Variants in SHISAL1 observed in about 807,000 individuals in gnomAD.
SHISAL1 encodes shisa like 1.
In SHISAL1, 9 loss-of-function variants were observed where a neutral mutation model predicts 22.6. That is an observed-to-expected ratio of 0.40 (90% confidence interval 0.24 to 0.70). SHISAL1 has a LOEUF of 0.70. Ranked by LOEUF, SHISAL1 falls within the 30% of genes least tolerant of loss-of-function variation. The pLI is 0.39. For synonymous variants in SHISAL1, 119 were observed against 115.4 expected (o/e 1.03, Z -0.20); for missense variants, 246 against 270.6 (o/e 0.91, Z 0.64).
At chr22:44,276,075 C>A (rs1333189998) in intron 4 of SHISAL1, among the ~76,000 whole-genome samples, 2 of 152,182 alleles carry the variant, frequency 1.3e-5, no homozygotes, top group African/African-American at 2.4e-5. Context: ...CACAAAGCCA[C>A]AAAGCAAACG....
chr22:44,257,323 G>C (rs1420936830), intron 4 of SHISAL1, among the ~76,000 whole-genome samples: 1 of 152,206 alleles, frequency 6.6e-6, no homozygotes, highest in East Asian at 1.9e-4. Flanking sequence ...CAGGATGCCA[G>C]GTCAAAAACA....
chr22:44,282,100 TG>T (rs2055280698), intron 4 of SHISAL1, among the ~76,000 whole-genome samples: 1 of 152,200 alleles, frequency 6.6e-6, no homozygotes. Context: ...AGCGGTGGCC[TG>T]GGGGCTGCCT....
chr22:44,270,419 G>A (rs2055198393), intron 4 of SHISAL1, among the ~76,000 whole-genome samples: 1 of 152,166 alleles, frequency 6.6e-6, no homozygotes, highest in Admixed American at 6.5e-5. Context: ...CAACAGTATT[G>A]GTCAGAGTCC....
intron 4 of SHISAL1, among the ~76,000 whole-genome samples, chr22:44,254,587 C>A (rs2055071823): frequency 6.6e-6 from 1 of 152,048 alleles, no homozygotes. Flanking sequence ...ATCTTGATCT[C>A]CTGGCCTCAA....
intron 3 of SHISAL1, among the ~76,000 whole-genome samples, chr22:44,289,466 A>ATGTG (rs35632126): frequency 0.028 from 3,330 of 120,946 alleles, 46 homozygotes; most frequent in East Asian, 0.038. Flanking sequence ...GTCATTGTAA[A>ATGTG]TGTGTGTGTG....
the SHISAL1 span, among the ~76,000 whole-genome samples, chr22:44,323,643 C>T: frequency 6.8e-6 from 1 of 145,990 alleles, no homozygotes; most frequent in African/African-American, 2.6e-5. Context: ...CATCCACCCA[C>T]TCACCATCCA....
chr22:44,299,899 G>A (rs556341267), intron 2 of SHISAL1, among the ~76,000 whole-genome samples: 2 of 148,174 alleles, frequency 1.3e-5, no homozygotes, highest in South Asian at 4.2e-4. Context: ...GAGACAGAGA[G>A]ACAGAGACAG....
chr22:44,278,786 C>T (rs1018558197), intron 4 of SHISAL1, among the ~76,000 whole-genome samples: 15 of 152,084 alleles, frequency 9.9e-5, no homozygotes, highest in African/African-American at 3.6e-4. Flanking sequence ...CCACAGTCAG[C>T]CACATCCAGG....
At chr22:44,293,840 G>C (rs934126142) in intron 3 of SHISAL1, among the ~76,000 whole-genome samples, 3 of 152,174 alleles carry the variant, frequency 2.0e-5, no homozygotes, top group African/African-American at 4.8e-5. Context: ...TTAAAATTCT[G>C]ATCCTCGATA....
At chr22:44,327,473 G>A in the SHISAL1 span, among the ~76,000 whole-genome samples, 1 of 152,068 alleles carries the variant, frequency 6.6e-6, no homozygotes, top group African/African-American at 2.4e-5. Context: ...GATAACTGGG[G>A]TGGGGGGACA....
chr22:44,280,600 C>T (rs1020353310), intron 4 of SHISAL1, among the ~76,000 whole-genome samples: 4 of 152,032 alleles, frequency 2.6e-5, no homozygotes, highest in African/African-American at 9.7e-5. Context: ...GGTAGGGAGG[C>T]AGAGTCAGGC....
chr22:44,269,105 G>A (rs867017032), intron 4 of SHISAL1, among the ~76,000 whole-genome samples: 3 of 151,584 alleles, frequency 2.0e-5, no homozygotes, highest in Non-Finnish European at 4.4e-5. Flanking sequence ...ATACACACAC[G>A]CACAGCATGC....
chr22:44,267,337 C>T (rs2055171166), intron 4 of SHISAL1, among the ~76,000 whole-genome samples: 1 of 152,156 alleles, frequency 6.6e-6, no homozygotes, highest in Admixed American at 6.5e-5. Context: ...GCCCCAAGGT[C>T]CCCATCTTGG....
At chr22:44,261,759 GA>G (rs2055126156) in intron 4 of SHISAL1, among the ~76,000 whole-genome samples, 1 of 152,260 alleles carries the variant, frequency 6.6e-6, no homozygotes, top group Non-Finnish European at 1.5e-5. Flanking sequence ...GTGAGTGCAG[GA>G]AACTGTTCCT....
intron 4 of SHISAL1, among the ~76,000 whole-genome samples, chr22:44,266,456 CTGTGTGTGTGTTGGGCTGTG>C (rs2055162411): frequency 9.7e-6 from 1 of 102,904 alleles, no homozygotes; most frequent in Non-Finnish European, 1.8e-5. Context: ...GTGTGTGGGG[CTGTGTGTGTGTTGGGCTGTG>C]TGTGTGTCTG....
chr22:44,305,563 G>C (rs565487363), intron 1 of SHISAL1, among the ~76,000 whole-genome samples: 28 of 152,372 alleles, frequency 1.8e-4, no homozygotes, highest in African/African-American at 6.5e-4. Flanking sequence ...GAAGGCGGGG[G>C]CTGGGGCTTA....
chr22:44,315,407 T>A (rs1185201925), upstream of SHISAL1, among the ~76,000 whole-genome samples: 1 of 151,950 alleles, frequency 6.6e-6, no homozygotes, highest in Non-Finnish European at 1.5e-5. Flanking sequence ...GAAAGGAGCG[T>A]TTTTTTCCGG....
intron 4 of SHISAL1, among the ~76,000 whole-genome samples, chr22:44,267,451 C>T (rs978198851): frequency 6.6e-6 from 1 of 152,010 alleles, no homozygotes; most frequent in African/African-American, 2.4e-5. Context: ...ACGGACTCCA[C>T]TCCCTGGTGC....
At chr22:44,261,896 C>T (rs1335519138) in intron 4 of SHISAL1, among the ~76,000 whole-genome samples, 1 of 152,334 alleles carries the variant, frequency 6.6e-6, no homozygotes, top group Admixed American at 6.5e-5. Context: ...CAGGCTCAGG[C>T]CCACCAGTGC....
Sources: gnomAD v4.1 joint callset for allele counts (sites outside exome capture counted in the v4.1 genomes callset) on GRCh38, gnomAD v4.1.1 for gene constraint, MANE v1.5 for transcripts, NCBI Gene and HGNC (gene_info 2026-07-23, HGNC 2026-07-21) for gene names.